The following DPYSL2 variants were observed in gnomAD, a reference collection of about 807,000 sequenced individuals.
The protein encoded by DPYSL2 is dihydropyrimidinase-related protein 2.
Under a neutral mutation model 69.9 loss-of-function variants are expected in DPYSL2, and 13 were observed. That is an observed-to-expected ratio of 0.19 (90% confidence interval 0.12 to 0.30). The LOEUF (loss-of-function observed/expected upper bound fraction) is 0.30. Ranked by LOEUF, DPYSL2 falls within the 10% of genes least tolerant of loss-of-function variation. The probability of loss-of-function intolerance (pLI) is 1.00; values close to 1 mark genes in which losing one functional copy is unlikely to be tolerated. For synonymous variants in DPYSL2, 326 were observed against 359.1 expected (o/e 0.91, Z 1.04); for missense variants, 587 against 918.9 (o/e 0.64, Z 4.67).
intron 1 of DPYSL2, among the ~76,000 whole-genome samples, chr8:26,551,603 T>C (rs1800875734): frequency 6.6e-6 from 1 of 152,188 alleles, no homozygotes; most frequent in Non-Finnish European, 1.5e-5. Context: ...ATTTATATTA[T>C]ACATCACCCA....
In DPYSL2 at chr8:26,582,737, G is replaced by A. The variant is rs60491201; in HGVS notation, c.443+680G>A. On this transcript the variant is annotated intron_variant, in intron 2 of 13. Coordinates refer to ENST00000521913, the MANE Select transcript of DPYSL2 (RefSeq NM_001197293.3). This position sits in a 1 kb window ranked among gnomAD's most constrained non-coding sequence, Gnocchi z 4.1. ...TGCCCTTTCTACTGGGGTAGCTCCC[G>A]GGGCTCTGGAGAAATAGCACATCTG... 1.3e-5 allele frequency among the ~76,000 whole-genome samples: 2 copies of A among 152,084 alleles called. No homozygotes were observed. The highest frequency in any genetic ancestry group is 2.9e-5 in the Non-Finnish European group (2 of 68,026).
intron 1 of DPYSL2, among the ~76,000 whole-genome samples, chr8:26,563,397 A>G (rs976949837): frequency 2.6e-5 from 4 of 152,204 alleles, no homozygotes; most frequent in African/African-American, 7.2e-5. Flanking sequence ...ATTGAGTCAG[A>G]AACTTTGCTG....
In DPYSL2 at chr8:26,623,107, C is replaced by G. The variant is rs115412667; in HGVS notation, c.629-1036C>G. Among the ~76,000 whole-genome samples the G allele has an allele frequency of 2.1e-3, 320 of 152,256 alleles. 1 individual carries two copies. Among genetic ancestry groups the G allele is most frequent in the African/African-American group, 7.3e-3 (302 of 41,546 alleles). On this transcript the variant is annotated intron_variant, in intron 3 of 13. Transcript: ENST00000521913. Reference sequence around the variant, plus strand: ...TGCCATCATGTTAACTGGGTGAGAGCTCTTCAAGACCTAGGAGAGATAATA... The same window carrying G: ...TGCCATCATGTTAACTGGGTGAGAGGTCTTCAAGACCTAGGAGAGATAATA...
chr8:26,527,155 G>A (rs778820782), intron 1 of DPYSL2, among the ~76,000 whole-genome samples: 9 of 152,258 alleles, frequency 5.9e-5, no homozygotes, highest in South Asian at 2.1e-4. Context: ...TGCTGCTGAC[G>A]GTCCCTGAAA....
chr8:26,526,881 G>A (rs1808487078), intron 1 of DPYSL2, among the ~76,000 whole-genome samples: 1 of 152,224 alleles, frequency 6.6e-6, no homozygotes, highest in Non-Finnish European at 1.5e-5. Flanking sequence ...GGAGGCCCAA[G>A]GAAGTGAGGG....
rs1039242815 is a variant in DPYSL2 at position 26,585,633 on chromosome 8, G to A, written c.628+1650G>A. 1.3e-5 allele frequency among the ~76,000 whole-genome samples: 2 copies of A among 152,208 alleles called. No individual in the cohort carries two copies. Among genetic ancestry groups the A allele is most frequent in the African/African-American group, 4.8e-5 (2 of 41,448 alleles). On this transcript the variant is annotated intron_variant, in intron 3 of 13. Transcript: ENST00000521913. The surrounding 1 kb of genome is among the most constrained non-coding windows in gnomAD (Gnocchi z 4.0). ...ATTTGCTGGGGAATCACTGGCACCT[G>A]TGGGCGTTTCTGCCTCTCCTCCAGG...
chr8:26,545,638 G>C (rs1800754735), intron 1 of DPYSL2, among the ~76,000 whole-genome samples: 1 of 152,066 alleles, frequency 6.6e-6, no homozygotes, highest in Non-Finnish European at 1.5e-5. Flanking sequence ...ATGGTGGCAT[G>C]CACCTGTGAT....
In DPYSL2 at chr8:26,647,377, C is replaced by T. The variant is rs1475777472; in HGVS notation, c.1426-253C>T. ...AACCTCTTGCTGCTCCTCCCCTCCA[C>T]CCTCCCTAACCCTGGAAGAACCCAT... On this transcript the variant is annotated intron_variant, in intron 10 of 13. Transcript: ENST00000521913. The surrounding 1 kb of genome is among the most constrained non-coding windows in gnomAD (Gnocchi z 5.1). Among the ~76,000 whole-genome samples, 3 of 152,168 alleles carry T rather than the reference C, an allele frequency of 2.0e-5. No individual in the cohort carries two copies. The highest frequency in any genetic ancestry group is 1.3e-4 in the Admixed American group (2 of 15,284).
At chr8:26,537,558 G>GT in intron 1 of DPYSL2, among the ~76,000 whole-genome samples, 1 of 150,460 alleles carries the variant, frequency 6.6e-6, no homozygotes, top group East Asian at 2.0e-4. Context: ...CTTTCACCTA[G>GT]TTTCCTGCAT....
chr8:26,570,197 T>C (rs1224647665), intron 1 of DPYSL2, among the ~76,000 whole-genome samples: 1 of 151,712 alleles, frequency 6.6e-6, no homozygotes. Flanking sequence ...CATTTATCAT[T>C]CATTTAAACC....
At chr8:26,629,933 C>CCACGTGCACAAGCACACA (rs1168910813) in intron 7 of DPYSL2, among the ~76,000 whole-genome samples, 4 of 152,064 alleles carry the variant, frequency 2.6e-5, no homozygotes, top group African/African-American at 9.7e-5. Flanking sequence ...GCACACAGAT[C>CCACGTGCACAAGCACACA]CACGTGCACA....
At chr8:26,538,403 A>G (rs1432561703) in intron 1 of DPYSL2, among the ~76,000 whole-genome samples, 1 of 152,102 alleles carries the variant, frequency 6.6e-6, no homozygotes, top group Non-Finnish European at 1.5e-5. Context: ...ATTTTAACCT[A>G]TGCTACCCCT....
At chr8:26,550,180 G>GT (rs1800850273) in intron 1 of DPYSL2, among the ~76,000 whole-genome samples, 1 of 152,178 alleles carries the variant, frequency 6.6e-6, no homozygotes, top group Non-Finnish European at 1.5e-5. Flanking sequence ...CTGCTGTAAG[G>GT]TATGTGCATC....
chr8:26,636,776 T>G (rs191117308), intron 8 of DPYSL2, among the ~76,000 whole-genome samples: 68 of 152,288 alleles, frequency 4.5e-4, no homozygotes, highest in South Asian at 1.7e-3. Context: ...AGTCTCACTC[T>G]GTCGCCCAGG....
chr8:26,577,770 A>G (rs911058619), intron 1 of DPYSL2: 2 of 984,748 alleles, frequency 2.0e-6, no homozygotes, highest in Non-Finnish European at 2.4e-6. Context: ...CCGGCCGTTC[A>G]CTGCCGCATT....
At chr8:26,578,017 C>CTCT (rs533739389) in intron 1 of DPYSL2, 20,231 of 975,386 alleles carry the variant, frequency 0.021, 67 homozygotes, top group Middle Eastern at 0.071. Context: ...CTCTCTCTCT[C>CTCT]TTTTTTTTCC....
rs938362873 is a variant in DPYSL2 at position 26,593,048 on chromosome 8, G to C, written c.628+9065G>C. On this transcript the variant is annotated intron_variant, in intron 3 of 13. Transcript: ENST00000521913. The surrounding 1 kb of genome is among the most constrained non-coding windows in gnomAD (Gnocchi z 5.7). The stretch of plus-strand genomic sequence containing the variant: ...GCTTTTAGAGCGTCTTAACTGCCAT[G>C]GTAATGATAAAGGGGAGTGACAGTG... Among the ~76,000 whole-genome samples the C allele has an allele frequency of 1.3e-5, 2 of 152,156 alleles. No homozygotes were observed. Among genetic ancestry groups the C allele is most frequent in the East Asian group, 3.9e-4 (2 of 5,192 alleles).
In DPYSL2 at chr8:26,652,407, G is replaced by A. The variant is rs375653855; in HGVS notation, c.1747G>A (p.Val583Ile). 1.2e-6 allele frequency: 2 copies of A among 1,613,688 alleles called. No individual in the cohort carries two copies. Among genetic ancestry groups the A allele is most frequent in the African/African-American group, 1.3e-5 (1 of 74,902 alleles). ...TCCCCGGAAGCCCTTCCCTGATTTT[G>A]TTTACAAGCGTATCAAGGCAAGGAG... The part of the protein sequence containing the change: ...YIPRKPFPDF[V>I]YKRIKARSRL... Residue 583 changes from valine (V) to isoleucine (I), a missense_variant, in exon 12 of 14, where the codon GTT (valine) becomes ATT (isoleucine). By Grantham distance (29) the Val-to-Ile change is conservative (BLOSUM62 3). Transcript: ENST00000521913. The surrounding 1 kb of genome is among the most constrained non-coding windows in gnomAD (Gnocchi z 6.3).
At position 26,627,632 on chromosome 8, in the gene DPYSL2, G is replaced by A. The variant is rs891027722; in HGVS notation, c.937-240G>A. 6.6e-6 allele frequency among the ~76,000 whole-genome samples: 1 copy of A among 152,196 alleles called. No homozygotes were observed. The highest frequency in any genetic ancestry group is 2.4e-5 in the African/African-American group (1 of 41,454). On this transcript the variant is annotated intron_variant, in intron 6 of 13. Coordinates refer to ENST00000521913, the MANE Select transcript of DPYSL2 (RefSeq NM_001197293.3). This position sits in a 1 kb window ranked among gnomAD's most constrained non-coding sequence, Gnocchi z 6.9. Reference sequence around the variant, plus strand: ...GCTGAGGGTTGCAAATGCACCAGTCGTCAGCATCCCAGGGAACAGCTGAAT... The same window carrying A: ...GCTGAGGGTTGCAAATGCACCAGTCATCAGCATCCCAGGGAACAGCTGAAT...
Sources: allele counts gnomAD v4.1 joint callset (sites outside exome capture counted in the v4.1 genomes callset), GRCh38; gene constraint gnomAD v4.1.1; non-coding constraint Gnocchi (gnomAD v3.1); transcripts MANE v1.5; gene names NCBI Gene and HGNC (gene_info 2026-07-23, HGNC 2026-07-21).